Variants in MEI1 observed in about 807,000 individuals in gnomAD.
MEI1 encodes the protein meiotic double-stranded break formation protein 1, also known as meiosis inhibitor protein 1.
In MEI1, 103 loss-of-function variants were observed where a neutral mutation model predicts 146.2. The ratio of observed to expected loss-of-function variants is 0.70; its 90% CI spans 0.60 to 0.83. MEI1 has a LOEUF of 0.83. Among genes scored for constraint, MEI1 ranks in the 40% least tolerant of loss-of-function variants. The pLI, the probability that MEI1 is intolerant of heterozygous loss-of-function variation, is 0.00. For missense variants in MEI1, 1,529 were observed against 1,533.0 expected (o/e 1.00, Z 0.04); for synonymous variants, 652 against 628.2 (o/e 1.04, Z -0.57).
chr22:41,774,617 C>T (rs1417889576), intron 20 of MEI1: 1 of 152,186 alleles, frequency 6.6e-6, no homozygotes, highest in African/African-American at 2.4e-5. Flanking sequence ...TCATCCCTTC[C>T]CTTCATTAAC....
intron 26 of MEI1, among the ~76,000 whole-genome samples, chr22:41,786,164 C>T (rs577959789): frequency 2.6e-5 from 4 of 152,110 alleles, no homozygotes; most frequent in Non-Finnish European, 4.4e-5. Context: ...CCCGCCTCGG[C>T]CTCCCAAAGT....
intron 22 of MEI1, among the ~76,000 whole-genome samples, chr22:41,781,069 C>G (rs1239894902): frequency 6.6e-6 from 1 of 152,226 alleles, no homozygotes; most frequent in Non-Finnish European, 1.5e-5. Flanking sequence ...TGATGTGCAG[C>G]TGTAGGCTGC....
intron 20 of MEI1, 128 bp downstream of exon 20, chr22:41,771,089 T>G: frequency 9.6e-7 from 1 of 1,040,778 alleles, no homozygotes; most frequent in Non-Finnish European, 1.4e-6. Flanking sequence ...ACTGTCTGCA[T>G]GTGAGTTGGA....
chr22:41,797,999 C>T (rs527676221), intron 30 of MEI1, among the ~76,000 whole-genome samples: 3 of 152,166 alleles, frequency 2.0e-5, no homozygotes, highest in East Asian at 3.9e-4. Context: ...CAGGATTTGA[C>T]CTCAGATTTG....
rs1366492937 is a variant in MEI1, at chr22:41,745,042, G to A, written c.1516G>A (p.Glu506Lys). ...GGGAAAGTTCCTCCTCAGCACTCTG[G>A]AGGGATTTAGAAGTGCCTGCAGGTG... Reference protein sequence around the residue: ...QRGKFLLSTLEGFRSACRLAI... With the variant: ...QRGKFLLSTLKGFRSACRLAI... The change falls in exon 13 of 31, where the codon GAG becomes AAG. Residue 506 changes from glutamate (E) to lysine (K), a missense_variant. This residue lies in a region of MEI1 where 1,212 missense variants were observed against 1,178.9 expected (regional missense o/e 1.03). Transcript: ENST00000401548. 1.3e-6 allele frequency: 2 copies of A among 1,560,286 alleles called. No homozygotes were observed. The highest frequency in any genetic ancestry group is 1.4e-5 in the African/African-American group (1 of 73,566).
At chr22:41,766,541 T>C (rs900507598) in intron 19 of MEI1, among the ~76,000 whole-genome samples, 15 of 152,082 alleles carry the variant, frequency 9.9e-5, no homozygotes, top group Admixed American at 7.9e-4. Context: ...TTATTCATTT[T>C]ACTCAATATT....
rs1555914654 is a variant in MEI1, at chr22:41,703,349, A to C, written c.193A>C (p.Met65Leu). 1.9e-6 allele frequency: 3 copies of C among 1,612,794 alleles called. No homozygotes were observed. The Admixed American group carries it at 5.0e-5, about 27-fold the overall frequency. The change falls in exon 2 of 31, where the codon ATG (methionine) becomes CTG (leucine). Residue 65 changes from methionine (M) to leucine (L), a missense_variant. This residue lies in a region of MEI1 where 1,212 missense variants were observed against 1,178.9 expected (regional missense o/e 1.03). Transcript: ENST00000401548. ...CTTCAAGTTAGTGCGCAAGAAGCAC[A>C]TGTTGTCCTGCTTCCAAGATGCCCT... The part of the protein sequence containing the change: ...PGVSLVRKKH[M>L]LSCFQDALVR...
At chr22:41,724,837 C>G (rs1454060934) in intron 7 of MEI1, among the ~76,000 whole-genome samples, 2 of 150,308 alleles carry the variant, frequency 1.3e-5, no homozygotes, top group Non-Finnish European at 1.5e-5. Flanking sequence ...AGGTCTTGCT[C>G]TCTCCACTCA....
At chr22:41,752,323 T>G in intron 15 of MEI1, 1 of 435,828 alleles carries the variant, frequency 2.3e-6, no homozygotes, top group Non-Finnish European at 4.2e-6. Context: ...ATTGCAGCAC[T>G]TACTTTGAGC....
chr22:41,749,327 G>GT (rs1400104524), intron 15 of MEI1, among the ~76,000 whole-genome samples: 2 of 151,492 alleles, frequency 1.3e-5, no homozygotes, highest in Non-Finnish European at 2.9e-5. Context: ...CCGGGCTAGA[G>GT]TGCAATGGCA....
chr22:41,787,464 C>T (rs8136343), intron 26 of MEI1, among the ~76,000 whole-genome samples: 25,578 of 152,078 alleles, frequency 0.17, 2,373 homozygotes, highest in African/African-American at 0.25. Flanking sequence ...GGTCCACAGG[C>T]GGGAAAAACT....
chr22:41,726,974 C>T (rs1023995761), intron 7 of MEI1, among the ~76,000 whole-genome samples: 8 of 152,052 alleles, frequency 5.3e-5, no homozygotes, highest in Non-Finnish European at 7.4e-5. Flanking sequence ...GGAGTTTCAC[C>T]GTGTTAGCCA....
At chr22:41,787,173 C>T (rs1366447795) in intron 26 of MEI1, among the ~76,000 whole-genome samples, 3 of 152,214 alleles carry the variant, frequency 2.0e-5, no homozygotes. Context: ...TGTCCTTCCC[C>T]TTGTGGGTTT....
chr22:41,796,552 G>C (rs1338790856), intron 30 of MEI1, among the ~76,000 whole-genome samples: 1 of 152,100 alleles, frequency 6.6e-6, no homozygotes, highest in Non-Finnish European at 1.5e-5. Flanking sequence ...TGTAGTACAG[G>C]TTGAGCATCC....
intron 26 of MEI1, among the ~76,000 whole-genome samples, chr22:41,790,443 C>G (rs2076137095): frequency 6.6e-6 from 1 of 152,118 alleles, no homozygotes; most frequent in South Asian, 2.1e-4. Context: ...ATACATTCAG[C>G]AAATATTTAT....
intron 16 of MEI1, chr22:41,753,731 A>T: frequency 2.3e-6 from 1 of 432,044 alleles, no homozygotes; most frequent in Non-Finnish European, 4.3e-6. Context: ...CACCAGCCTC[A>T]GCCTCCCAAA....
Position 41,795,113 on chromosome 22 carries a change from C to A in MEI1, c.3535-298C>A, listed in dbSNP as rs779566535. Among the ~76,000 whole-genome samples, 10 of 152,256 alleles carry A rather than the reference C, an allele frequency of 6.6e-5. No homozygotes were observed. The highest frequency in any genetic ancestry group is 1.3e-4 in the Non-Finnish European group (9 of 68,020). Reference sequence around the variant, plus strand: ...GGTACAAGAGCACATGGTGGTATGTCAGGGGAGCCACACGTAGTTCATTTT... The same window carrying A: ...GGTACAAGAGCACATGGTGGTATGTAAGGGGAGCCACACGTAGTTCATTTT... On this transcript the variant is annotated intron_variant, in intron 28 of 30. Coordinates refer to ENST00000401548, the MANE Select transcript of MEI1 (RefSeq NM_152513.4). This position sits in a 1 kb window ranked among gnomAD's most constrained non-coding sequence, Gnocchi z 4.2.
chr22:41,773,533 T>C (rs1158401496), intron 20 of MEI1, among the ~76,000 whole-genome samples: 9 of 140,548 alleles, frequency 6.4e-5, no homozygotes, highest in Non-Finnish European at 4.5e-5. Flanking sequence ...AGTTTTTCAC[T>C]AACTTAGATC....
At chr22:41,701,442 A>C (rs893291035) in intron 1 of MEI1, among the ~76,000 whole-genome samples, 1 of 152,130 alleles carries the variant, frequency 6.6e-6, no homozygotes, top group Non-Finnish European at 1.5e-5. Context: ...CAGCCTGGCC[A>C]ACATGGAAAA....
Sources: allele counts gnomAD v4.1 joint callset (sites outside exome capture counted in the v4.1 genomes callset), GRCh38; gene constraint gnomAD v4.1.1; regional missense constraint gnomAD v4.1.1; non-coding constraint Gnocchi (gnomAD v3.1); transcripts MANE v1.5; gene names NCBI Gene and HGNC (gene_info 2026-07-23, HGNC 2026-07-21).